Variants in SLC25A15 observed in about 807,000 individuals in gnomAD.
SLC25A15 encodes mitochondrial ornithine transporter 1.
Under a neutral mutation model 32.3 loss-of-function variants are expected in SLC25A15, and 24 were observed. The observed-to-expected ratio is 0.74, with a 90% confidence interval of 0.54 to 1.04. The LOEUF is 1.04. Among genes scored for constraint, SLC25A15 ranks in the 50% least tolerant of loss-of-function variants. SLC25A15 has a pLI of 0.00. For synonymous variants in SLC25A15, 132 were observed against 142.1 expected (o/e 0.93, Z 0.51); for missense variants, 317 against 374.5 (o/e 0.85, Z 1.27).
chr13:40,798,068 C>T (rs925207914), intron 2 of SLC25A15, among the ~76,000 whole-genome samples: 7 of 152,052 alleles, frequency 4.6e-5, no homozygotes, highest in African/African-American at 1.7e-4. Context: ...TCATTTGAGG[C>T]CAGGAGTTAG....
Position 40,809,724 on chromosome 13 carries a change from G to T in SLC25A15, c.*57G>T. The T allele has an allele frequency of 6.3e-7, 1 of 1,597,186 alleles. No homozygotes were observed. Among genetic ancestry groups the T allele is most frequent in the Non-Finnish European group, 8.6e-7 (1 of 1,167,730 alleles). On this transcript the variant is annotated 3_prime_UTR_variant, in exon 7 of 7. Transcript: ENST00000338625. ...TGTTTGAGGACTACAGTTCATCTCAGGGTTTCTTGGAGTACAAGACCAGTG... is the reference window on the plus strand; with the variant it reads ...TGTTTGAGGACTACAGTTCATCTCATGGTTTCTTGGAGTACAAGACCAGTG...
At position 40,808,660 on chromosome 13, in the gene SLC25A15, G is replaced by A. The variant is rs1230051698; in HGVS notation, c.781+64G>A. On this transcript the variant is annotated intron_variant, in intron 6 of 6. Coordinates refer to ENST00000338625, the MANE Select transcript of SLC25A15 (RefSeq NM_014252.4). The stretch of plus-strand genomic sequence containing the variant: ...TTAAAATCTGAGATACGGGCCGGGC[G>A]TGGTGGCTCATGCCTGTGATCCCAG... 2.8e-5 allele frequency: 42 copies of A among 1,489,454 alleles called. No homozygotes were observed. In the Admixed American group the frequency reaches 4.5e-4, roughly 16 times the overall value. 92.3% of individuals were successfully genotyped at this position (1,489,454 alleles called of 1,614,324 possible).
chr13:40,801,653 G>A (rs555723721), intron 3 of SLC25A15, among the ~76,000 whole-genome samples: 2 of 152,338 alleles, frequency 1.3e-5, no homozygotes, highest in East Asian at 3.9e-4. Context: ...AGAACTGCTT[G>A]TGAGAGCCTG....
intron 1 of SLC25A15, among the ~76,000 whole-genome samples, chr13:40,791,319 T>TTATG (rs1881489387): frequency 6.8e-6 from 1 of 148,084 alleles, no homozygotes; most frequent in Non-Finnish European, 1.5e-5. Flanking sequence ...ATTTATTTAT[T>TTATG]TATTTATTTA....
chr13:40,802,699 C>T (rs775041154), intron 3 of SLC25A15, among the ~76,000 whole-genome samples: 15 of 151,888 alleles, frequency 9.9e-5, no homozygotes, highest in Non-Finnish European at 1.9e-4. Context: ...CTCAGCCTCC[C>T]GAGTAGCTGG....
chr13:40,792,262 T>C (rs1881534374), intron 1 of SLC25A15, among the ~76,000 whole-genome samples: 1 of 152,196 alleles, frequency 6.6e-6, no homozygotes. Flanking sequence ...CTCCAGGTTA[T>C]CAAGTGGATT....
intron 1 of SLC25A15, among the ~76,000 whole-genome samples, chr13:40,791,173 C>T (rs893069123): frequency 6.6e-6 from 1 of 151,880 alleles, no homozygotes; most frequent in Non-Finnish European, 1.5e-5. Flanking sequence ...TTTGTAGGCA[C>T]AGGCCTGAAA....
chr13:40,811,269 T>G lies in SLC25A15; in HGVS notation c.*1602T>G, dbSNP rs1003165090. Among the ~76,000 whole-genome samples the G allele has an allele frequency of 7.6e-4, 116 of 152,078 alleles. No homozygotes were observed. Among genetic ancestry groups the G allele is most frequent in the African/African-American group, 2.7e-3 (114 of 41,476 alleles). ...ACTTTGGGAGGCTGAGGCGGGCGGGTCACAAGGTCAGGAGTTCGAGAACAG... is the reference window on the plus strand; with the variant it reads ...ACTTTGGGAGGCTGAGGCGGGCGGGGCACAAGGTCAGGAGTTCGAGAACAG... On this transcript the variant is annotated 3_prime_UTR_variant, in exon 7 of 7. Coordinates refer to ENST00000338625, the MANE Select transcript of SLC25A15 (RefSeq NM_014252.4).
chr13:40,791,443 C>T (rs554525620), intron 1 of SLC25A15, among the ~76,000 whole-genome samples: 22 of 151,574 alleles, frequency 1.5e-4, no homozygotes, highest in Non-Finnish European at 3.1e-4. Context: ...CTGCAACCTC[C>T]ACCTCCCGGG....
chr13:40,806,295 C>T (rs530857265), intron 4 of SLC25A15, among the ~76,000 whole-genome samples: 1 of 152,282 alleles, frequency 6.6e-6, no homozygotes, highest in East Asian at 1.9e-4. Flanking sequence ...AGAACATTAA[C>T]AACACCCAGA....
chr13:40,796,917 G>A (rs1881686496), intron 2 of SLC25A15, among the ~76,000 whole-genome samples: 1 of 152,188 alleles, frequency 6.6e-6, no homozygotes, highest in African/African-American at 2.4e-5. Context: ...AAGATGCTTG[G>A]CTGGCCACCA....
At chr13:40,790,400 G>A (rs886138334) in intron 1 of SLC25A15, among the ~76,000 whole-genome samples, 4 of 152,204 alleles carry the variant, frequency 2.6e-5, no homozygotes, top group African/African-American at 9.6e-5. Context: ...TATTCCAAGT[G>A]CTACAGCAAG....
intron 1 of SLC25A15, among the ~76,000 whole-genome samples, chr13:40,792,858 A>G (rs1881559290): frequency 6.6e-6 from 1 of 152,324 alleles, no homozygotes; most frequent in African/African-American, 2.4e-5. Flanking sequence ...AACAAGTCTG[A>G]TGCGGTTTGG....
rs750125078 is a variant in SLC25A15 at position 40,811,514 on chromosome 13, T to G, written c.*1847T>G. ...AAAAAAAAAAAGAAAAGAAAAGCAATTGTACTTCACTATGCCATATGTATG... is the reference window on the plus strand; with the variant it reads ...AAAAAAAAAAAGAAAAGAAAAGCAAGTGTACTTCACTATGCCATATGTATG... On this transcript the variant is annotated 3_prime_UTR_variant, in exon 7 of 7. Coordinates refer to ENST00000338625, the MANE Select transcript of SLC25A15 (RefSeq NM_014252.4). Among the ~76,000 whole-genome samples, 2 of 151,524 alleles carry G rather than the reference T, an allele frequency of 1.3e-5. No homozygotes were observed. The highest frequency in any genetic ancestry group is 2.9e-5 in the Non-Finnish European group (2 of 67,890).
Position 40,797,834 on chromosome 13 carries a change from AT to A in SLC25A15, c.56-1219del, listed in dbSNP as rs544694929. On this transcript the variant is annotated intron_variant, in intron 2 of 6. Coordinates refer to ENST00000338625, the MANE Select transcript of SLC25A15 (RefSeq NM_014252.4). Reference sequence around the variant, plus strand: ...ATATTTTCTGTAAGCCTTCTTTTGCATTTTGATGAAGCTTTAAGAGCTCCTC... The same window carrying A: ...ATATTTTCTGTAAGCCTTCTTTTGCATTTGATGAAGCTTTAAGAGCTCCTC... Among the ~76,000 whole-genome samples, 8 of 152,182 alleles carry A rather than the reference AT, an allele frequency of 5.3e-5. No individual in the cohort carries two copies. In the South Asian group the frequency reaches 1.4e-3, roughly 28 times the overall value.
chr13:40,810,323 T>C lies in SLC25A15; in HGVS notation c.*656T>C, dbSNP rs1269743452. ...ACAGGTACGCGCCACCATGTCCAGC[T>C]AATTTTTTTTGGTATTTTTTGTAGA... On this transcript the variant is annotated 3_prime_UTR_variant, in exon 7 of 7. Transcript: ENST00000338625. 7.2e-5 allele frequency among the ~76,000 whole-genome samples: 11 copies of C among 152,126 alleles called. No homozygotes were observed. Among genetic ancestry groups the C allele is most frequent in the Admixed American group, 3.3e-4 (5 of 15,270 alleles).
intron 2 of SLC25A15, among the ~76,000 whole-genome samples, chr13:40,794,392 T>C (rs1408167088): frequency 2.6e-5 from 4 of 151,560 alleles, no homozygotes; most frequent in Non-Finnish European, 5.9e-5. Context: ...TAATGGACTG[T>C]GTCTTAGAGC....
At chr13:40,792,546 T>C (rs904136923) in intron 1 of SLC25A15, among the ~76,000 whole-genome samples, 2 of 152,224 alleles carry the variant, frequency 1.3e-5, no homozygotes, top group African/African-American at 4.8e-5. Flanking sequence ...TTGTGCACGG[T>C]GTGGCGTCCC....
Position 40,811,738 on chromosome 13 carries a change from C to A in SLC25A15, c.*2071C>A, listed in dbSNP as rs757326840. Among the ~76,000 whole-genome samples, 1 of 152,184 alleles carries A rather than the reference C, an allele frequency of 6.6e-6. No individual in the cohort carries two copies. The highest frequency in any genetic ancestry group is 2.1e-4 in the South Asian group (1 of 4,824). On this transcript the variant is annotated 3_prime_UTR_variant, in exon 7 of 7. Coordinates refer to ENST00000338625, the MANE Select transcript of SLC25A15 (RefSeq NM_014252.4). ...CTCCCAATAAAGTGTTCCTAAGCAG[C>A]CTGTATACTGAGTGCAAGCAGGCTA... is the stretch of plus-strand genomic sequence containing the variant.
Sources: allele counts gnomAD v4.1 joint callset (sites outside exome capture counted in the v4.1 genomes callset), GRCh38; gene constraint gnomAD v4.1.1; transcripts MANE v1.5; gene names NCBI Gene and HGNC (gene_info 2026-07-23, HGNC 2026-07-21).